CDCA2: variants seen among roughly 807,000 people sequenced by gnomAD.
CDCA2 encodes the protein cell division cycle associated 2.
Under a neutral mutation model 67.0 loss-of-function variants are expected in CDCA2, and 44 were observed. The ratio of observed to expected loss-of-function variants is 0.66; its 90% CI spans 0.52 to 0.84. CDCA2 has a LOEUF of 0.84. Among genes scored for constraint, CDCA2 ranks in the 40% least tolerant of loss-of-function variants. The pLI is 0.00. For synonymous variants in CDCA2, 447 were observed against 418.7 expected (o/e 1.07, Z -0.82); for missense variants, 1,253 against 1,203.2 (o/e 1.04, Z -0.61).
chr8:25,469,216 C>T (rs1012778322), intron 6 of CDCA2, among the ~76,000 whole-genome samples: 1 of 152,166 alleles, frequency 6.6e-6, no homozygotes, highest in Non-Finnish European at 1.5e-5. Flanking sequence ...ATCCAGTGCT[C>T]GTCCTATTCG....
chr8:25,506,404 G>T (rs1392721076), intron 14 of CDCA2, 106 bp from the exon 15 acceptor site: 1 of 1,038,784 alleles, frequency 9.6e-7, no homozygotes, highest in African/African-American at 1.6e-5. Context: ...TCTTGTGAAT[G>T]CTTAAAACAC....
In CDCA2 at chr8:25,466,345, T is replaced by A; in HGVS notation, c.538+20T>A. Reference sequence around the variant, plus strand: ...ACTTGAGTGAGTAGAAATAATTCGTTCAGTTTTGACTTCAATATTTATAAA... The same window carrying A: ...ACTTGAGTGAGTAGAAATAATTCGTACAGTTTTGACTTCAATATTTATAAA... On this transcript the variant is annotated intron_variant, in intron 5 of 14. Transcript: ENST00000330560. 1 of 1,565,154 alleles carries A rather than the reference T, an allele frequency of 6.4e-7. No homozygotes were observed. Among genetic ancestry groups the A allele is most frequent in the Non-Finnish European group, 8.6e-7 (1 of 1,162,050 alleles).
chr8:25,463,772 G>C (rs971991802), intron 4 of CDCA2, among the ~76,000 whole-genome samples: 1 of 152,062 alleles, frequency 6.6e-6, no homozygotes, highest in African/African-American at 2.4e-5. Flanking sequence ...GGCTTCCTGC[G>C]ATCCCTTGAA....
In CDCA2 at chr8:25,488,717, A is replaced by G. The variant is rs754797698; in HGVS notation, c.1671+28A>G. ...AAGCATGTGTTTAAAGATATAATAA[A>G]GAGTAGAAGTGGTGTGTTTCCTTAT... On this transcript the variant is annotated intron_variant, in intron 13 of 14. Transcript: ENST00000330560. 3 of 1,540,482 alleles carry G rather than the reference A, an allele frequency of 1.9e-6. No individual in the cohort carries two copies. The Admixed American group carries it at 6.6e-5, about 34-fold the overall frequency.
intron 4 of CDCA2, among the ~76,000 whole-genome samples, chr8:25,464,858 G>A (rs80181945): frequency 0.028 from 4,280 of 152,224 alleles, 226 homozygotes; most frequent in African/African-American, 0.097. Context: ...AATGTAAAAT[G>A]TTCTCATTAT....
At chr8:25,500,510 C>G (rs1563283986) in intron 13 of CDCA2, among the ~76,000 whole-genome samples, 1 of 151,712 alleles carries the variant, frequency 6.6e-6, no homozygotes, top group African/African-American at 2.4e-5. Context: ...TCAATTAAAA[C>G]TTTTTTTTCT....
At chr8:25,472,743 CTG>C (rs139697486) in intron 7 of CDCA2, among the ~76,000 whole-genome samples, 2,625 of 152,210 alleles carry the variant, frequency 0.017, 33 homozygotes, top group South Asian at 0.054. Context: ...CAAACCATAA[CTG>C]TATATATTTA....
intron 7 of CDCA2, among the ~76,000 whole-genome samples, chr8:25,475,057 T>TG (rs377736572): frequency 1.3e-5 from 2 of 152,266 alleles, no homozygotes; most frequent in African/African-American, 4.8e-5. Context: ...CTGCTAGGAT[T>TG]GGGTAGGCCC....
At chr8:25,460,704 C>T in intron 3 of CDCA2, 150 bp downstream of exon 3, 1 of 741,190 alleles carries the variant, frequency 1.3e-6, no homozygotes, top group Non-Finnish European at 2.2e-6. Flanking sequence ...GACTTCTTTG[C>T]ACATGCACAG....
chr8:25,479,998 C>A lies in CDCA2; in HGVS notation c.906C>A (p.Asp302Glu). ...CGTTCACAGCAGAAGTGAGCTCAGA[C>A]GCAGTCCCTGATGTCAGGTCACCAG... ...PDTFTAEVSS[D>E]AVPDVRSPAT... The change falls in exon 8 of 15, where the codon GAC (aspartate) becomes GAA (glutamate). Residue 302 changes from aspartate to glutamate, a missense_variant. Transcript: ENST00000330560. The A allele has an allele frequency of 6.2e-7, 1 of 1,614,118 alleles. No homozygotes were observed. The highest frequency in any genetic ancestry group is 1.1e-5 in the South Asian group (1 of 91,090).
At chr8:25,471,775 T>TAAAC (rs1270013971) in intron 7 of CDCA2, among the ~76,000 whole-genome samples, 1 of 152,232 alleles carries the variant, frequency 6.6e-6, no homozygotes, top group Non-Finnish European at 1.5e-5. Context: ...GTCATCATAC[T>TAAAC]AAACACCTCA....
At chr8:25,469,232 T>A (rs899113019) in intron 6 of CDCA2, among the ~76,000 whole-genome samples, 1 of 152,240 alleles carries the variant, frequency 6.6e-6, no homozygotes, top group Non-Finnish European at 1.5e-5. Flanking sequence ...ATTCGTTTTA[T>A]GTGGACTGGC....
intron 6 of CDCA2, among the ~76,000 whole-genome samples, chr8:25,468,883 G>C (rs1367722514): frequency 6.6e-6 from 1 of 152,098 alleles, no homozygotes; most frequent in East Asian, 1.9e-4. Flanking sequence ...GCCCCTGACT[G>C]CTTTCCTTCT....
At chr8:25,479,593 G>T in intron 7 of CDCA2, 1 of 342,718 alleles carries the variant, frequency 2.9e-6, no homozygotes, top group Non-Finnish European at 5.5e-6. Flanking sequence ...TGGGTGTCAT[G>T]AGTAGAGGCA....
At chr8:25,483,824 C>A in intron 9 of CDCA2, 142 bp from the exon 10 acceptor site, 1 of 744,398 alleles carries the variant, frequency 1.3e-6, no homozygotes, top group Non-Finnish European at 2.1e-6. Context: ...GCTCTACCAA[C>A]AATTATTTTA....
chr8:25,466,706 T>A (rs1336110591), intron 5 of CDCA2, among the ~76,000 whole-genome samples: 1 of 152,096 alleles, frequency 6.6e-6, no homozygotes, highest in Admixed American at 6.6e-5. Flanking sequence ...TAAATTCATA[T>A]AAATTTTATA....
intron 14 of CDCA2, among the ~76,000 whole-genome samples, chr8:25,505,233 A>T (rs1466309406): frequency 2.0e-5 from 3 of 151,772 alleles, no homozygotes; most frequent in Non-Finnish European, 4.4e-5. Flanking sequence ...ATGGAGTCTC[A>T]CTCTGTCGCC....
At chr8:25,485,646 C>G (rs1803745653) in intron 10 of CDCA2, 113 bp from the exon 11 acceptor site, 1 of 552,900 alleles carries the variant, frequency 1.8e-6, no homozygotes, top group African/African-American at 1.9e-5. Context: ...GATTACCCAT[C>G]TTTATGCTTA....
At chr8:25,466,859 A>C (rs556985705) in intron 5 of CDCA2, among the ~76,000 whole-genome samples, 1 of 151,998 alleles carries the variant, frequency 6.6e-6, no homozygotes, top group South Asian at 2.1e-4. Context: ...CCTGGCCAAC[A>C]TGGTGAAACC....
Sources: gnomAD v4.1 joint callset for allele counts (sites outside exome capture counted in the v4.1 genomes callset) on GRCh38, gnomAD v4.1.1 for gene constraint, MANE v1.5 for transcripts, NCBI Gene and HGNC (gene_info 2026-07-23, HGNC 2026-07-21) for gene names.